ZNF500: variants seen among roughly 807,000 people sequenced by gnomAD.
The protein encoded by ZNF500 is zinc finger protein 500.
ZNF500 carries 31 observed loss-of-function variants against 30.1 expected under a neutral mutation model. The ratio of observed to expected loss-of-function variants is 1.03; its 90% CI spans 0.77 to 1.39. The LOEUF is 1.39. Ranked by LOEUF, ZNF500 falls within the 40% of genes most tolerant of loss-of-function variation. ZNF500 has a pLI of 0.00. For synonymous variants in ZNF500, 392 were observed against 282.0 expected (o/e 1.39, Z -3.91); for missense variants, 817 against 657.8 (o/e 1.24, Z -2.65).
chr16:4,755,368 G>C (rs1002473361), intron 5 of ZNF500, among the ~76,000 whole-genome samples: 3 of 152,048 alleles, frequency 2.0e-5, no homozygotes, highest in Admixed American at 2.0e-4. Flanking sequence ...CCAGGCTGGA[G>C]TGCAGTGGTG....
chr16:4,761,455 A>G (rs1222799611), intron 4 of ZNF500, among the ~76,000 whole-genome samples: 2 of 146,544 alleles, frequency 1.4e-5, no homozygotes, highest in Non-Finnish European at 3.0e-5. Context: ...AAACAAAAAC[A>G]AAACAAAACA....
At chr16:4,764,500 G>A (rs60401637) in intron 2 of ZNF500, among the ~76,000 whole-genome samples, 3 of 151,072 alleles carry the variant, frequency 2.0e-5, no homozygotes, top group East Asian at 1.9e-4. Flanking sequence ...AAAATAAATG[G>A]GCTAGGTGCG....
At chr16:4,753,221 A>T (rs193064007) in intron 5 of ZNF500, 163 bp from the exon 6 acceptor site, 3 of 1,338,198 alleles carry the variant, frequency 2.2e-6, no homozygotes, top group Non-Finnish European at 1.9e-6. Context: ...AGCACTTTGG[A>T]AGGCTGAAGT....
At chr16:4,746,438 G>A, downstream of ZNF500, 1 of 1,613,664 alleles carries the variant, frequency 6.2e-7, no homozygotes, top group Non-Finnish European at 8.5e-7. Context: ...AGGGCATGAG[G>A]CTTAACGCAG....
At chr16:4,757,688 C>T (rs1041834443) in intron 5 of ZNF500, among the ~76,000 whole-genome samples, 2 of 151,390 alleles carry the variant, frequency 1.3e-5, no homozygotes, top group African/African-American at 2.4e-5. Flanking sequence ...CTGCAACCTC[C>T]GCCTCCCGGG....
At chr16:4,746,889 G>T (rs939860060), downstream of ZNF500, 6 of 1,499,996 alleles carry the variant, frequency 4.0e-6, no homozygotes, top group Non-Finnish European at 5.4e-6. Flanking sequence ...ACACCAGGTG[G>T]AGTGGGCACA....
intron 4 of ZNF500, 55 bp downstream of exon 4, chr16:4,762,216 C>A: frequency 6.3e-7 from 1 of 1,580,126 alleles, no homozygotes; most frequent in Middle Eastern, 1.7e-4. Flanking sequence ...AAGTGTGACA[C>A]ACAGGAGGTC....
rs1889330607 is a variant in ZNF500, at chr16:4,751,939, G to T, written c.*437C>A. ...AAAAGGGGGGGGGAGCAGGTGGGGG[G>T]TACACACAGAGACAGCGCACAGGGT... On this transcript the variant is annotated 3_prime_UTR_variant, in exon 6 of 6. Transcript: ENST00000219478. 14 of 421,088 alleles carry T rather than the reference G, an allele frequency of 3.3e-5. No homozygotes were observed. The highest frequency in any genetic ancestry group is 1.0e-4 in the South Asian group (3 of 28,806). 26.1% of individuals were successfully genotyped at this position (421,088 alleles called of 1,614,324 possible).
chr16:4,759,258 T>C (rs985073996), intron 5 of ZNF500, among the ~76,000 whole-genome samples: 20 of 150,568 alleles, frequency 1.3e-4, no homozygotes, highest in African/African-American at 4.4e-4. Context: ...TTGGTATGGA[T>C]GTGGAGAAAC....
chr16:4,761,409 C>T (rs1389640308), intron 4 of ZNF500, among the ~76,000 whole-genome samples: 1 of 151,258 alleles, frequency 6.6e-6, no homozygotes, highest in African/African-American at 2.4e-5. Context: ...CATTGCACTC[C>T]AGCCTGGGCA....
intron 2 of ZNF500, among the ~76,000 whole-genome samples, chr16:4,764,791 GAAA>G (rs34386241): frequency 7.6e-6 from 1 of 131,988 alleles, no homozygotes; most frequent in Non-Finnish European, 1.6e-5. Context: ...CAAAAAAAAA[GAAA>G]AAAAAAAAAA....
Position 4,749,694 on chromosome 16 carries a change from T to C in ZNF500, c.*2682A>G, listed in dbSNP as rs1166233383. 1.3e-5 allele frequency: 2 copies of C among 152,270 alleles called. No homozygotes were observed. The highest frequency in any genetic ancestry group is 3.9e-4 in the East Asian group (2 of 5,184). The allele number at this position is 152,270 out of a possible 1,614,324, so 9.4% of individuals were successfully genotyped here. On this transcript the variant is annotated 3_prime_UTR_variant, in exon 6 of 6. Coordinates refer to ENST00000219478, the MANE Select transcript of ZNF500 (RefSeq NM_021646.4). ...CAGGCGTAGTGGTGCGCACCTGTAA[T>C]CCCAGCTACTCAGGAGGCTGAGGCA...
At chr16:4,755,564 G>A (rs1364240882) in intron 5 of ZNF500, among the ~76,000 whole-genome samples, 3 of 152,020 alleles carry the variant, frequency 2.0e-5, no homozygotes, top group Non-Finnish European at 2.9e-5. Context: ...TGACCCAACC[G>A]CCTTGGCCTC....
At chr16:4,761,300 C>T (rs1399458428) in intron 4 of ZNF500, among the ~76,000 whole-genome samples, 2 of 151,792 alleles carry the variant, frequency 1.3e-5, no homozygotes, top group Admixed American at 6.6e-5. Context: ...ATTAGCCAGG[C>T]ATGGTGGTGG....
intron 2 of ZNF500, among the ~76,000 whole-genome samples, chr16:4,764,818 G>A (rs1009690147): frequency 3.3e-5 from 5 of 150,662 alleles, no homozygotes; most frequent in Non-Finnish European, 5.9e-5. Flanking sequence ...TAAAATAAAT[G>A]TACATAGCTA....
Position 4,754,004 on chromosome 16 carries a change from C to A in ZNF500, c.761-946G>T, listed in dbSNP as rs529538584. Reference sequence around the variant, plus strand: ...ACAGGGAGAGGGGCCTGGAATGATCCAGGCTTTGCCCCTTTCAGGAAAAAG... The same window carrying A: ...ACAGGGAGAGGGGCCTGGAATGATCAAGGCTTTGCCCCTTTCAGGAAAAAG... On this transcript the variant is annotated intron_variant, in intron 5 of 5. Coordinates refer to ENST00000219478, the MANE Select transcript of ZNF500 (RefSeq NM_021646.4). Among the ~76,000 whole-genome samples the A allele has an allele frequency of 5.3e-5, 8 of 152,360 alleles. No homozygotes were observed. The South Asian group carries it at 1.0e-3, about 20-fold the overall frequency.
intron 2 of ZNF500, chr16:4,763,987 A>G (rs767500505): frequency 1.1e-5 from 11 of 985,336 alleles, no homozygotes; most frequent in African/African-American, 1.7e-5. Flanking sequence ...GAACTGAAAC[A>G]GCAGGTGGCA....
In ZNF500 at chr16:4,752,785, C is replaced by T. The variant is rs1371734856; in HGVS notation, c.1034G>A (p.Arg345His). Reference protein sequence around the residue: ...SKTSHLTKHQRTHTGERPYKC... With the variant: ...SKTSHLTKHQHTHTGERPYKC... ...GTAAGGCCGCTCGCCCGTGTGTGTG[C>T]GCTGGTGCTTGGTCAAGTGGGACGT... The change falls in exon 6 of 6, where the codon CGC becomes CAC. Residue 345 changes from arginine (R) to histidine (H), a missense_variant. By Grantham distance (29) the Arg-to-His change is conservative. Coordinates refer to ENST00000219478, the MANE Select transcript of ZNF500 (RefSeq NM_021646.4). The T allele has an allele frequency of 7.4e-6, 12 of 1,614,134 alleles. No homozygotes were observed. The highest frequency in any genetic ancestry group is 9.3e-6 in the Non-Finnish European group (11 of 1,180,044).
At chr16:4,763,859 G>A in intron 2 of ZNF500, 3 of 985,458 alleles carry the variant, frequency 3.0e-6, no homozygotes, top group Non-Finnish European at 3.6e-6. Context: ...ATTAGGGGAT[G>A]TGCCTCCTCT....
Sources: allele counts gnomAD v4.1 joint callset (sites outside exome capture counted in the v4.1 genomes callset), GRCh38; gene constraint gnomAD v4.1.1; transcripts MANE v1.5; gene names NCBI Gene and HGNC (gene_info 2026-07-23, HGNC 2026-07-21).